The following RAP1GDS1 variants were observed in gnomAD, a reference collection of about 807,000 sequenced individuals.
RAP1GDS1 encodes Rap1 GTPase-GDP dissociation stimulator 1.
RAP1GDS1 carries 35 observed loss-of-function variants against 71.1 expected under a neutral mutation model. That is an observed-to-expected ratio of 0.49 (90% CI 0.38 to 0.65). RAP1GDS1 has a LOEUF of 0.65. Ranked by LOEUF, RAP1GDS1 falls within the 30% of genes least tolerant of loss-of-function variation. The pLI, the probability that RAP1GDS1 is intolerant of heterozygous loss-of-function variation, is 0.00. For synonymous variants in RAP1GDS1, 229 were observed against 243.1 expected (o/e 0.94, Z 0.54); for missense variants, 663 against 706.1 (o/e 0.94, Z 0.69).
chr4:98,421,333 C>T lies in RAP1GDS1; in HGVS notation c.1379C>T (p.Ala460Val). ...GAATGGTGTGAAGCCAAAGATCATGCTGGTGTGATGGGGGAGTCAAACAGA... is the reference window on the plus strand; with the variant it reads ...GAATGGTGTGAAGCCAAAGATCATGTTGGTGTGATGGGGGAGTCAAACAGA... ...LVEWCEAKDH[A>V]GVMGESNRLL... The change falls in exon 12 of 15, where the codon GCT (alanine) becomes GTT (valine). Residue 460 changes from alanine (A) to valine (V), a missense_variant. Ala to Val is a moderately conservative substitution (Grantham distance 64). Transcript: ENST00000408927. 1 of 1,611,374 alleles carries T rather than the reference C, an allele frequency of 6.2e-7. No individual in the cohort carries two copies. Among genetic ancestry groups the T allele is most frequent in the Non-Finnish European group, 8.5e-7 (1 of 1,178,432 alleles).
chr4:98,332,618 A>G (rs929396059), intron 2 of RAP1GDS1, among the ~76,000 whole-genome samples: 1 of 152,220 alleles, frequency 6.6e-6, no homozygotes, highest in Non-Finnish European at 1.5e-5. Flanking sequence ...TATGAATATG[A>G]GAAGCTTTAA....
intron 12 of RAP1GDS1, among the ~76,000 whole-genome samples, chr4:98,428,001 A>G (rs1224461563): frequency 6.6e-6 from 1 of 152,208 alleles, no homozygotes; most frequent in Admixed American, 6.5e-5. Context: ...TAGTGGTACA[A>G]AAATAGGCAC....
At chr4:98,374,822 C>G (rs1266404394) in intron 4 of RAP1GDS1, among the ~76,000 whole-genome samples, 4 of 151,698 alleles carry the variant, frequency 2.6e-5, no homozygotes, top group Admixed American at 2.6e-4. Context: ...AGGCTTGGAC[C>G]CGTTCCCGCA....
At chr4:98,376,107 A>G (rs1378627779) in intron 4 of RAP1GDS1, among the ~76,000 whole-genome samples, 1 of 152,148 alleles carries the variant, frequency 6.6e-6, no homozygotes. Context: ...TGTGCTGGAA[A>G]CTGCTTTGTG....
chr4:98,343,235 ACAT>A lies in RAP1GDS1; in HGVS notation c.213_215del (p.Ile72del). ...TCTTCCTGCAAAGCCAAAGTAGCTA[ACAT>A]CATAGCAGAAGTAGCCAAAAATGGT... On this transcript the variant is annotated inframe_deletion, in exon 3 of 15. Transcript: ENST00000408927. The A allele has an allele frequency of 6.2e-7, 1 of 1,606,020 alleles. No individual in the cohort carries two copies. The highest frequency in any genetic ancestry group is 8.5e-7 in the Non-Finnish European group (1 of 1,172,694).
At chr4:98,314,774 C>CA (rs1459057975) in intron 2 of RAP1GDS1, among the ~76,000 whole-genome samples, 4 of 152,064 alleles carry the variant, frequency 2.6e-5, no homozygotes, top group Non-Finnish European at 5.9e-5. Flanking sequence ...GTTGTAGAAA[C>CA]AGAGATATGG....
intron 4 of RAP1GDS1, among the ~76,000 whole-genome samples, chr4:98,355,173 TTTTA>T (rs1425273100): frequency 6.6e-6 from 1 of 152,158 alleles, no homozygotes; most frequent in Non-Finnish European, 1.5e-5. Flanking sequence ...AATTTTTCCT[TTTTA>T]AACAAGTTTT....
intron 1 of RAP1GDS1, among the ~76,000 whole-genome samples, chr4:98,277,135 C>T (rs1186503581): frequency 2.0e-5 from 3 of 152,140 alleles, no homozygotes; most frequent in Admixed American, 2.0e-4. Flanking sequence ...ATAACACACA[C>T]ACAAACATGA....
intron 2 of RAP1GDS1, among the ~76,000 whole-genome samples, chr4:98,333,358 G>T (rs963772994): frequency 3.3e-5 from 5 of 151,924 alleles, no homozygotes; most frequent in Non-Finnish European, 4.4e-5. Context: ...TAGGAAGCAA[G>T]AAATTTTGAA....
intron 2 of RAP1GDS1, among the ~76,000 whole-genome samples, chr4:98,315,974 G>T (rs1251182970): frequency 6.6e-6 from 1 of 152,018 alleles, no homozygotes; most frequent in Non-Finnish European, 1.5e-5. Flanking sequence ...AATGACTAAG[G>T]GTGAAAGGAT....
chr4:98,442,002 A>G lies in RAP1GDS1; in HGVS notation c.1709A>G (p.Lys570Arg). 1 of 1,613,920 alleles carries G rather than the reference A, an allele frequency of 6.2e-7. No individual in the cohort carries two copies. Among genetic ancestry groups the G allele is most frequent in the Non-Finnish European group, 8.5e-7 (1 of 1,179,934 alleles). Reference protein sequence around the residue: ...CALMGSECLHKEVQDLAFLDV... With the variant: ...CALMGSECLHREVQDLAFLDV... ...TTTTGTCTTCCAGAATGTCTACACA[A>G]GGAAGTACAGGATTTGGCTTTTCTA... Residue 570 changes from lysine to arginine, a missense_variant, in exon 15 of 15, where the codon AAG becomes AGG. Transcript: ENST00000408927.
chr4:98,285,923 A>G (rs886333851), intron 1 of RAP1GDS1, among the ~76,000 whole-genome samples: 27 of 147,964 alleles, frequency 1.8e-4, no homozygotes, highest in African/African-American at 6.1e-4. Flanking sequence ...TATAATATTT[A>G]TTTATAAATA....
At chr4:98,400,353 C>T (rs543139351) in intron 6 of RAP1GDS1, among the ~76,000 whole-genome samples, 279 of 150,836 alleles carry the variant, frequency 1.8e-3, no homozygotes, top group Non-Finnish European at 3.3e-3. Context: ...TATGTATATA[C>T]ACACACACAC....
At chr4:98,342,085 G>T (rs1735575866) in intron 2 of RAP1GDS1, among the ~76,000 whole-genome samples, 1 of 152,006 alleles carries the variant, frequency 6.6e-6, no homozygotes, top group Admixed American at 6.6e-5. Flanking sequence ...GCTCATAATG[G>T]ATTGGGACCC....
At chr4:98,436,860 C>G in intron 13 of RAP1GDS1, 80 bp from the exon 14 acceptor site, 1 of 1,367,476 alleles carries the variant, frequency 7.3e-7, no homozygotes, top group Non-Finnish European at 9.6e-7. Context: ...TTCGTATGGT[C>G]AATTTCTTCA....
chr4:98,339,590 C>G (rs1446253171), intron 2 of RAP1GDS1, among the ~76,000 whole-genome samples: 1 of 151,622 alleles, frequency 6.6e-6, no homozygotes, highest in Non-Finnish European at 1.5e-5. Context: ...AACAAGTAGC[C>G]ATTCATTTGG....
chr4:98,434,145 A>G, intron 13 of RAP1GDS1, 83 bp downstream of exon 13: 2 of 1,515,628 alleles, frequency 1.3e-6, no homozygotes, highest in African/African-American at 2.7e-5. Flanking sequence ...GAAGTCAGAC[A>G]GAACCTTGAC....
At chr4:98,284,834 AG>A (rs1186043244) in intron 1 of RAP1GDS1, among the ~76,000 whole-genome samples, 1 of 152,190 alleles carries the variant, frequency 6.6e-6, no homozygotes, top group Non-Finnish European at 1.5e-5. Flanking sequence ...CTCAGGTATC[AG>A]ATTTCAGGTC....
At chr4:98,293,386 A>ATTT (rs377400040) in intron 1 of RAP1GDS1, 22 bp from the exon 2 acceptor site, 5 of 1,171,374 alleles carry the variant, frequency 4.3e-6, no homozygotes, top group Non-Finnish European at 4.7e-6. Context: ...TGAGTTTCTG[A>ATTT]TTTTTTTTTT....
Sources: gnomAD v4.1 joint callset for allele counts (sites outside exome capture counted in the v4.1 genomes callset) on GRCh38, gnomAD v4.1.1 for gene constraint, MANE v1.5 for transcripts, NCBI Gene and HGNC (gene_info 2026-07-23, HGNC 2026-07-21) for gene names.